CD180: variants seen among roughly 807,000 people sequenced by gnomAD.
CD180 encodes CD180 antigen.
A neutral mutation model predicts 10.7 loss-of-function variants in CD180; 11 were observed. That is an observed-to-expected ratio of 1.03 (90% CI 0.65 to 1.70). The LOEUF is 1.70. Ranked by LOEUF, CD180 falls within the 40% of genes most tolerant of loss-of-function variation. The probability of loss-of-function intolerance (pLI) is 0.00; values close to 1 mark genes in which losing one functional copy is unlikely to be tolerated. For missense variants in CD180, 729 were observed against 775.2 expected (o/e 0.94, Z 0.71); for synonymous variants, 286 against 294.6 (o/e 0.97, Z 0.30).
At chr5:67,190,190 G>T (rs1460604423) in intron 1 of CD180, among the ~76,000 whole-genome samples, 1 of 152,114 alleles carries the variant, frequency 6.6e-6, no homozygotes, top group African/African-American at 2.4e-5. Context: ...TTTGACTCTG[G>T]TTACACATTT....
chr5:67,196,551 C>G lies in CD180; in HGVS notation c.90+1G>C. 6.2e-7 allele frequency: 1 copy of G among 1,614,016 alleles called. No homozygotes were observed. Among genetic ancestry groups the G allele is most frequent in the Non-Finnish European group, 8.5e-7 (1 of 1,179,966 alleles). ...CATAAAGACAAACAGTTTGGACTCA[C>G]CTCAATGCACATCTGATCCCAGGAG... is the stretch of plus-strand genomic sequence containing the variant. On this transcript the variant is annotated splice_donor_variant, in intron 1 of 2. Transcript: ENST00000256447. LOFTEE classifies it high-confidence loss of function.
chr5:67,180,932 G>C lies in CD180; in HGVS notation c.*1925C>G, dbSNP rs902028460. 1 of 151,994 alleles carries C rather than the reference G, an allele frequency of 6.6e-6. No homozygotes were observed. Among genetic ancestry groups the C allele is most frequent in the Non-Finnish European group, 1.5e-5 (1 of 68,054 alleles). The allele number at this position is 151,994 out of a possible 1,614,324, so 9.4% of individuals were successfully genotyped here. On this transcript the variant is annotated 3_prime_UTR_variant, in exon 3 of 3. Coordinates refer to ENST00000256447, the MANE Select transcript of CD180 (RefSeq NM_005582.3). ...GAGAATCGCTGGAACCTGGGAGGCG[G>C]AGGTTACAGTGAGCCAAGATTGCAC...
intron 1 of CD180, among the ~76,000 whole-genome samples, chr5:67,192,579 G>T (rs1367351180): frequency 3.3e-5 from 5 of 152,036 alleles, no homozygotes; most frequent in African/African-American, 9.7e-5. Context: ...ACGCTGCATG[G>T]TGAAAGCAGG....
At chr5:67,186,042 A>G (rs760775371) in intron 1 of CD180, 25 bp from the exon 2 acceptor site, 8 of 1,422,116 alleles carry the variant, frequency 5.6e-6, no homozygotes, top group Middle Eastern at 1.9e-4. Flanking sequence ...AAAGTAAATT[A>G]ATATTAGACT....
chr5:67,196,755 T>C lies in CD180; in HGVS notation c.-114A>G, dbSNP rs1216658139. 7.1e-7 allele frequency: 1 copy of C among 1,399,384 alleles called. No individual in the cohort carries two copies. The highest frequency in any genetic ancestry group is 9.8e-7 in the Non-Finnish European group (1 of 1,024,690). 86.7% of individuals were successfully genotyped at this position (1,399,384 alleles called of 1,614,324 possible). ...AGAGAGGTACTCAGAAGGGTGATCTTGGAACAAGAAATGCTGTTGACTGCT... is the reference window on the plus strand; with the variant it reads ...AGAGAGGTACTCAGAAGGGTGATCTCGGAACAAGAAATGCTGTTGACTGCT... On this transcript the variant is annotated 5_prime_UTR_variant, in exon 1 of 3. Transcript: ENST00000256447.
chr5:67,184,668 ATCTTTTGTATCAT>A, intron 2 of CD180, 83 bp from the exon 3 acceptor site: 3 of 1,114,110 alleles, frequency 2.7e-6, no homozygotes, highest in South Asian at 3.2e-5. Flanking sequence ...TAACAAAGTC[ATCTTTTGTATCAT>A]TCAAAATCAA....
intron 1 of CD180, among the ~76,000 whole-genome samples, chr5:67,193,763 T>TA: frequency 6.6e-6 from 1 of 152,290 alleles, no homozygotes; most frequent in Non-Finnish European, 1.5e-5. Flanking sequence ...GAGACATGAA[T>TA]AGCACTGAAG....
chr5:67,183,475 GA>G lies in CD180; in HGVS notation c.1367del (p.Phe456SerfsTer10). 3 of 1,614,212 alleles carry G rather than the reference GA, an allele frequency of 1.9e-6. No individual in the cohort carries two copies. Among genetic ancestry groups the G allele is most frequent in the Non-Finnish European group, 2.5e-6 (3 of 1,180,040 alleles). On this transcript the variant is annotated frameshift_variant, in exon 3 of 3. Transcript: ENST00000256447. LOFTEE classifies it low-confidence loss of function (END_TRUNC). Reference protein sequence around the residue: ...FLQVLNLTYCFLDTSNQHLLA... With the variant: ...FLQVLNLTYCXLDTSNQHLLA... ...GAAGATGCTGATTGCTGGTATCAAG[GA>G]AGCAGTAAGTGAGATTCAGAACCTG...
In CD180 at chr5:67,183,430, G is replaced by A. The variant is rs748077269; in HGVS notation, c.1413C>T (p.Leu471=). The change falls in exon 3 of 3, where the codon CTC becomes CTT. Residue 471 remains leucine, a synonymous_variant. Coordinates refer to ENST00000256447, the MANE Select transcript of CD180 (RefSeq NM_005582.3). ...GATTCCCTTTTAAGTTGAGATGCCG[G>A]AGAACTGGTAGGCCTGCTAGAAGAT... is the stretch of plus-strand genomic sequence containing the variant. The part of the protein sequence containing the change: ...NQHLLAGLPV[L]RHLNLKGNHF... 3.1e-6 allele frequency: 5 copies of A among 1,614,204 alleles called. No individual in the cohort carries two copies. The East Asian group carries it at 1.1e-4, about 36-fold the overall frequency.
In CD180 at chr5:67,184,190, G is replaced by GC. The variant is rs772178905; in HGVS notation, c.652dup (p.Ala218GlyfsTer3). The GC allele has an allele frequency of 3.3e-4, 532 of 1,614,110 alleles. 1 individual carries two copies. The highest frequency in any genetic ancestry group is 4.3e-4 in the Non-Finnish European group (504 of 1,180,022). On this transcript the variant is annotated frameshift_variant, in exon 3 of 3. Coordinates refer to ENST00000256447, the MANE Select transcript of CD180 (RefSeq NM_005582.3). LOFTEE classifies it low-confidence loss of function (END_TRUNC). The stretch of plus-strand genomic sequence containing the variant: ...ACTTTGGAAGATCGTTGAATCAAAA[G>GC]CCCCAAGCTCAATACCTTTAACATT...
At chr5:67,188,747 G>GA (rs147549035) in intron 1 of CD180, among the ~76,000 whole-genome samples, 11,568 of 152,216 alleles carry the variant, frequency 0.076, 1,167 homozygotes, top group African/African-American at 0.23. Context: ...TGTAGCCACA[G>GA]ACATGCTCAT....
intron 1 of CD180, among the ~76,000 whole-genome samples, chr5:67,189,260 T>C (rs1742256054): frequency 6.6e-6 from 1 of 152,260 alleles, no homozygotes; most frequent in East Asian, 1.9e-4. Context: ...CTCAGCCTTT[T>C]GTGTGCTTTA....
In CD180 at chr5:67,182,883, G is replaced by C; in HGVS notation, c.1960C>G (p.Leu654Val). 1.9e-6 allele frequency: 3 copies of C among 1,608,762 alleles called. No individual in the cohort carries two copies. The highest frequency in any genetic ancestry group is 2.5e-6 in the Non-Finnish European group (3 of 1,177,060). ...ILLFFAVKYL[L>V]RWKYQHI ...TAAATGTGTTGGTATTTCCACCTGA[G>C]AAGGTATTTAACTGCAAAAAATAGC... The change falls in exon 3 of 3, where the codon CTC becomes GTC. Residue 654 changes from leucine (L) to valine (V), a missense_variant. Coordinates refer to ENST00000256447, the MANE Select transcript of CD180 (RefSeq NM_005582.3).
At position 67,184,126 on chromosome 5, in the gene CD180, GA is replaced by G. The variant is rs778141063; in HGVS notation, c.716del (p.Phe239SerfsTer67). On this transcript the variant is annotated frameshift_variant, in exon 3 of 3. Coordinates refer to ENST00000256447, the MANE Select transcript of CD180 (RefSeq NM_005582.3). LOFTEE classifies it low-confidence loss of function (END_TRUNC). The part of the protein sequence containing the change: ...FGGTPNLSVI[F>X]NGLQNSTTQS... ...GAGTAGTAGAGTTCTGCAGACCATT[GA>G]ATATAACAGACAAATTTGGAGTTCC... 11 of 1,614,030 alleles carry G rather than the reference GA, an allele frequency of 6.8e-6. No homozygotes were observed. In the South Asian group the frequency reaches 1.2e-4, roughly 18 times the overall value.
At chr5:67,185,061 A>T (rs1742157988) in intron 2 of CD180, among the ~76,000 whole-genome samples, 1 of 140,236 alleles carries the variant, frequency 7.1e-6, no homozygotes, top group South Asian at 2.2e-4. Flanking sequence ...AAAATACTGG[A>T]TCACACACAC....
rs1469759396 is a variant in CD180 at position 67,183,859 on chromosome 5, G to A, written c.984C>T (p.Leu328=). 6.2e-7 allele frequency: 1 copy of A among 1,614,184 alleles called. No individual in the cohort carries two copies. The highest frequency in any genetic ancestry group is 8.5e-7 in the Non-Finnish European group (1 of 1,180,034). ...ACAATTGATCGAAATGATTTACACT[G>A]AGAACTAATTTCTTGAGCAAGTTCA... is the stretch of plus-strand genomic sequence containing the variant. The part of the protein sequence containing the change: ...KGLNLLKKLV[L]SVNHFDQLCQ... The change falls in exon 3 of 3, where the codon CTC becomes CTT. Residue 328 remains leucine (L), a synonymous_variant. Coordinates refer to ENST00000256447, the MANE Select transcript of CD180 (RefSeq NM_005582.3).
At chr5:67,195,065 G>C (rs1160684628) in intron 1 of CD180, among the ~76,000 whole-genome samples, 1 of 152,200 alleles carries the variant, frequency 6.6e-6, no homozygotes, top group Admixed American at 6.5e-5. Context: ...CTGCATGCCA[G>C]GGAGCGAGGG....
chr5:67,196,573 G>A lies in CD180; in HGVS notation c.69C>T (p.Ser23=). ...LFSAGCKVIT[S]WDQMCIEKEA... ...TCACCTCAATGCACATCTGATCCCA[G>A]GAGGTGATGACTTTACAGCCGGCAG... is the stretch of plus-strand genomic sequence containing the variant. The change falls in exon 1 of 3, where the codon TCC becomes TCT. Residue 23 remains serine (S), a synonymous_variant. Coordinates refer to ENST00000256447, the MANE Select transcript of CD180 (RefSeq NM_005582.3). The A allele has an allele frequency of 6.2e-7, 1 of 1,614,034 alleles. No individual in the cohort carries two copies. Among genetic ancestry groups the A allele is most frequent in the Non-Finnish European group, 8.5e-7 (1 of 1,179,990 alleles).
At position 67,196,574 on chromosome 5, in the gene CD180, G is replaced by C; in HGVS notation, c.68C>G (p.Ser23Cys). The change falls in exon 1 of 3, where the codon TCC becomes TGC. Residue 23 changes from serine to cysteine, a missense_variant. Transcript: ENST00000256447. The part of the protein sequence containing the change: ...LFSAGCKVIT[S>C]WDQMCIEKEA... ...CACCTCAATGCACATCTGATCCCAG[G>C]AGGTGATGACTTTACAGCCGGCAGA... 1 of 1,614,032 alleles carries C rather than the reference G, an allele frequency of 6.2e-7. No individual in the cohort carries two copies. Among genetic ancestry groups the C allele is most frequent in the Non-Finnish European group, 8.5e-7 (1 of 1,180,000 alleles).
Sources: allele counts gnomAD v4.1 joint callset (sites outside exome capture counted in the v4.1 genomes callset), GRCh38; gene constraint gnomAD v4.1.1; transcripts MANE v1.5; gene names NCBI Gene and HGNC (gene_info 2026-07-23, HGNC 2026-07-21).